The following AXDND1 variants were observed in gnomAD, a reference collection of about 807,000 sequenced individuals.
The protein encoded by AXDND1 is axonemal dynein light chain domain containing 1.
In AXDND1, 110 loss-of-function variants were observed where a neutral mutation model predicts 137.5. The ratio of observed to expected loss-of-function variants is 0.80; its 90% CI spans 0.69 to 0.94. AXDND1 has a LOEUF of 0.94. Among genes scored for constraint, AXDND1 ranks in the 40% least tolerant of loss-of-function variants. The pLI, the probability that AXDND1 is intolerant of heterozygous loss-of-function variation, is 0.00. For missense variants in AXDND1, 1,191 were observed against 1,169.8 expected (o/e 1.02, Z -0.26); for synonymous variants, 414 against 399.7 (o/e 1.04, Z -0.43).
At chr1:179,525,776 G>A (rs1670477118) in intron 22 of AXDND1, among the ~76,000 whole-genome samples, 1 of 149,848 alleles carries the variant, frequency 6.7e-6, no homozygotes, top group African/African-American at 2.5e-5. Flanking sequence ...TTACAGATAT[G>A]AGCCACCATG....
chr1:179,369,655 A>G (rs1351376055), intron 3 of AXDND1, among the ~76,000 whole-genome samples: 1 of 131,750 alleles, frequency 7.6e-6, no homozygotes, highest in East Asian at 2.0e-4. Context: ...CTGTCTCAAA[A>G]AAAAAAAATT....
At chr1:179,491,321 A>G (rs538559098) in intron 18 of AXDND1, among the ~76,000 whole-genome samples, 1 of 152,164 alleles carries the variant, frequency 6.6e-6, no homozygotes, top group South Asian at 2.1e-4. Context: ...CAAAAAAATT[A>G]AATAAATAGA....
At chr1:179,379,351 C>G in intron 5 of AXDND1, 46 bp from the exon 6 acceptor site, 1 of 1,575,816 alleles carries the variant, frequency 6.3e-7, no homozygotes, top group Non-Finnish European at 8.6e-7. Flanking sequence ...AATTTTTTCT[C>G]TATTAATATA....
intron 20 of AXDND1, among the ~76,000 whole-genome samples, chr1:179,508,179 T>TA (rs980638475): frequency 2.0e-5 from 3 of 151,696 alleles, no homozygotes; most frequent in South Asian, 4.2e-4. Context: ...CAAGAAAAAG[T>TA]AAAAAAATTA....
intron 12 of AXDND1, among the ~76,000 whole-genome samples, chr1:179,420,733 G>C (rs553082268): frequency 1.3e-5 from 2 of 150,462 alleles, no homozygotes; most frequent in Middle Eastern, 6.8e-3. Context: ...AGCAATTCTC[G>C]TGTCTCAGCC....
chr1:179,551,140 G>GGCC, intron 25 of AXDND1: 1 of 1,612,808 alleles, frequency 6.2e-7, no homozygotes. Context: ...TCTATGGCAG[G>GGCC]CCCCTTTACA....
Position 179,534,877 on chromosome 1 carries a change from T to C in AXDND1, c.2946T>C (p.Asp982=). Residue 982 remains aspartate, a synonymous_variant, in exon 25 of 26, where the codon GAT becomes GAC. Transcript: ENST00000367618. The stretch of plus-strand genomic sequence containing the variant: ...CTAAAGAAGAGAAAGAAAATCAAGA[T>C]GAAAGAGAAGTAAAAGAAGAAGAAG... ...KESKEEKENQ[D]EREVKEEEEQ... 1 of 1,605,844 alleles carries C rather than the reference T, an allele frequency of 6.2e-7. No homozygotes were observed. Among genetic ancestry groups the C allele is most frequent in the Non-Finnish European group, 8.5e-7 (1 of 1,177,274 alleles).
At chr1:179,391,034 G>A (rs1201726422) in intron 9 of AXDND1, among the ~76,000 whole-genome samples, 1 of 151,404 alleles carries the variant, frequency 6.6e-6, no homozygotes, top group South Asian at 2.1e-4. Flanking sequence ...TCAAACTCCC[G>A]ACATCAGGTG....
At chr1:179,430,280 A>G (rs7555895) in intron 13 of AXDND1, among the ~76,000 whole-genome samples, 172 bp from the exon 14 acceptor site, 31,266 of 152,014 alleles carry the variant, frequency 0.21, 3,413 homozygotes, top group Non-Finnish European at 0.24. Flanking sequence ...AAGAAATGCC[A>G]TGGAAAATTC....
chr1:179,450,991 G>A (rs1296897483), intron 16 of AXDND1: 1 of 152,162 alleles, frequency 6.6e-6, no homozygotes, highest in Non-Finnish European at 1.5e-5. Context: ...TGGTTTGCAG[G>A]TATTTGGTTG....
Position 179,439,081 on chromosome 1 carries a change from A to C in AXDND1, c.1564-5889A>C, listed in dbSNP as rs144868023. The stretch of plus-strand genomic sequence containing the variant: ...GTTTGTGCTATGATTTCTGATTTTC[A>C]TCTTTTCCATCTAATTGACCTTTAG... On this transcript the variant is annotated intron_variant, in intron 15 of 25. Coordinates refer to ENST00000367618, the MANE Select transcript of AXDND1 (RefSeq NM_144696.6). 5.3e-3 allele frequency among the ~76,000 whole-genome samples: 803 copies of C among 152,258 alleles called. 9 individuals carry two copies. The highest frequency in any genetic ancestry group is 0.019 in the African/African-American group (779 of 41,548).
chr1:179,474,291 T>C (rs905513673), intron 17 of AXDND1, among the ~76,000 whole-genome samples: 5 of 151,878 alleles, frequency 3.3e-5, no homozygotes, highest in African/African-American at 1.2e-4. Context: ...ATATAGGAAA[T>C]TGGTACTGGA....
Position 179,393,979 on chromosome 1 carries a change from G to C in AXDND1, c.940G>C (p.Val314Leu), listed in dbSNP as rs139341288. ...CTACAAAGACTTGGTAACTCAGCGA[G>C]TGATGGACCAGCGCATTTTAGAAGA... is the stretch of plus-strand genomic sequence containing the variant. ...DFYKDLVTQR[V>L]MDQRILEELY... The change falls in exon 10 of 26, where the codon GTG becomes CTG. Residue 314 changes from valine (V) to leucine (L), a missense_variant. Coordinates refer to ENST00000367618, the MANE Select transcript of AXDND1 (RefSeq NM_144696.6). 6.9e-4 allele frequency: 1,113 copies of C among 1,611,640 alleles called. 9 individuals are homozygous for C. The African/African-American group carries it at 0.013, about 18-fold the overall frequency.
At chr1:179,386,050 CTTTTTTTTTT>C (rs71111980) in intron 9 of AXDND1, among the ~76,000 whole-genome samples, 4 of 102,426 alleles carry the variant, frequency 3.9e-5, no homozygotes, top group Non-Finnish European at 7.5e-5. Flanking sequence ...GGATTTTTTC[CTTTTTTTTTT>C]TTTTTTTTTT....
chr1:179,463,044 A>G (rs1009828648), intron 16 of AXDND1, among the ~76,000 whole-genome samples: 1 of 151,998 alleles, frequency 6.6e-6, no homozygotes, highest in African/African-American at 2.4e-5. Flanking sequence ...CAGTCTATCA[A>G]TTTTGTTAAT....
At chr1:179,481,402 G>T (rs1400274894) in intron 17 of AXDND1, among the ~76,000 whole-genome samples, 1 of 152,124 alleles carries the variant, frequency 6.6e-6, no homozygotes, top group Admixed American at 6.5e-5. Context: ...ATTTGGGTTG[G>T]TTCCAAGTCT....
chr1:179,438,958 G>A (rs1007243051), intron 15 of AXDND1, among the ~76,000 whole-genome samples: 3 of 152,002 alleles, frequency 2.0e-5, no homozygotes, highest in Admixed American at 2.0e-4. Flanking sequence ...GTGGGCTAAA[G>A]CCTGCTCCAT....
At chr1:179,420,130 T>C (rs1655449480) in intron 12 of AXDND1, among the ~76,000 whole-genome samples, 1 of 152,210 alleles carries the variant, frequency 6.6e-6, no homozygotes, top group South Asian at 2.1e-4. Flanking sequence ...ATACTAAATT[T>C]GATGAGGGTT....
At chr1:179,448,034 A>G in intron 16 of AXDND1, 2 of 1,350,704 alleles carry the variant, frequency 1.5e-6, no homozygotes, top group Non-Finnish European at 2.1e-6. Context: ...ACTGTGACAG[A>G]CATTGAAAAA....
Sources: gnomAD v4.1 joint callset for allele counts (sites outside exome capture counted in the v4.1 genomes callset) on GRCh38, gnomAD v4.1.1 for gene constraint, MANE v1.5 for transcripts, NCBI Gene and HGNC (gene_info 2026-07-23, HGNC 2026-07-21) for gene names.